The following SEMA5B variants were observed in gnomAD, a reference collection of about 807,000 sequenced individuals.
The protein encoded by SEMA5B is semaphorin-5B.
In SEMA5B, 66 loss-of-function variants were observed where a neutral mutation model predicts 135.0. The observed-to-expected ratio is 0.49, with a 90% CI of 0.40 to 0.60. The LOEUF (loss-of-function observed/expected upper bound fraction) is 0.60, where lower values mean the gene tolerates loss of function less well. SEMA5B is among the 20% of genes least tolerant of loss of function. SEMA5B has a pLI of 0.00. For missense variants in SEMA5B, 1,501 were observed against 1,566.3 expected, an observed-to-expected ratio of 0.96 and a Z score of 0.70; for synonymous variants, 690 against 639.5, an observed-to-expected ratio of 1.08 and a Z score of -1.19.
chr3:123,021,621 C>A (rs995118918), intron 1 of SEMA5B, among the ~76,000 whole-genome samples: 8 of 152,134 alleles, frequency 5.3e-5, no homozygotes, highest in Non-Finnish European at 2.9e-5. Context: ...CTCAGGTAGA[C>A]CAGTGGGACT....
intron 3 of SEMA5B, among the ~76,000 whole-genome samples, chr3:122,943,761 C>G (rs1939667987): frequency 6.6e-6 from 1 of 152,160 alleles, no homozygotes; most frequent in Non-Finnish European, 1.5e-5. Flanking sequence ...GCACTACCCT[C>G]CCCACAGAGG....
chr3:122,918,396 A>C lies in SEMA5B; in HGVS notation c.1689-2506T>G, dbSNP rs142709584. ...AACAAAACAAAAAGCCCACCAACCT[A>C]TACTTTGGCTTTTTGGACTGGAATA... On this transcript the variant is annotated intron_variant, in intron 12 of 22. Coordinates refer to ENST00000357599, the MANE Select transcript of SEMA5B (RefSeq NM_001031702.4). Among the ~76,000 whole-genome samples the C allele has an allele frequency of 3.3e-5, 5 of 152,276 alleles. No individual in the cohort carries two copies. The South Asian group carries it at 8.3e-4, about 25-fold the overall frequency.
At chr3:122,983,674 C>G (rs1358169988) in intron 1 of SEMA5B, among the ~76,000 whole-genome samples, 1 of 124,466 alleles carries the variant, frequency 8.0e-6, no homozygotes, top group Middle Eastern at 6.1e-3. Flanking sequence ...ACCAAGATCA[C>G]GCCACTGCAC....
intron 2 of SEMA5B, among the ~76,000 whole-genome samples, chr3:122,959,989 A>G (rs1429553947): frequency 6.6e-6 from 1 of 152,216 alleles, no homozygotes; most frequent in Non-Finnish European, 1.5e-5. Context: ...AAGCTTATCT[A>G]TTCATTAGAG....
At chr3:122,991,962 C>T (rs1941893484) in intron 1 of SEMA5B, among the ~76,000 whole-genome samples, 1 of 152,090 alleles carries the variant, frequency 6.6e-6, no homozygotes, top group East Asian at 1.9e-4. Context: ...TGGCTGAGAA[C>T]CCGTTACGGA....
intron 1 of SEMA5B, among the ~76,000 whole-genome samples, chr3:123,007,974 G>A (rs1237242720): frequency 1.3e-5 from 2 of 152,230 alleles, no homozygotes; most frequent in African/African-American, 4.8e-5. Context: ...ATAAGCCACT[G>A]TCAAAGTATA....
At chr3:122,947,315 C>A (rs73856762) in intron 3 of SEMA5B, among the ~76,000 whole-genome samples, 2,067 of 152,216 alleles carry the variant, frequency 0.014, 48 homozygotes, top group African/African-American at 0.046. Flanking sequence ...AACAAGACAG[C>A]GCCGAGAAGA....
At chr3:123,006,889 C>T (rs1200225384) in intron 1 of SEMA5B, among the ~76,000 whole-genome samples, 1 of 152,152 alleles carries the variant, frequency 6.6e-6, no homozygotes, top group Non-Finnish European at 1.5e-5. Flanking sequence ...CTGCTTTGCA[C>T]CACAAACAAG....
chr3:122,973,498 AG>A (rs376870694), intron 1 of SEMA5B, among the ~76,000 whole-genome samples: 282 of 152,246 alleles, frequency 1.9e-3, no homozygotes, highest in African/African-American at 6.6e-3. Context: ...ATGAGTGAGG[AG>A]GGGTGGAACG....
intron 1 of SEMA5B, 150 bp downstream of exon 1, chr3:123,027,314 T>A (rs1331238106): frequency 1.3e-5 from 2 of 152,170 alleles, no homozygotes; most frequent in Non-Finnish European, 2.9e-5. Flanking sequence ...GGACCCCCTG[T>A]CCTCCCGCCC....
At chr3:122,994,681 C>T (rs2107732707) in intron 1 of SEMA5B, among the ~76,000 whole-genome samples, 1 of 152,278 alleles carries the variant, frequency 6.6e-6, no homozygotes, top group South Asian at 2.1e-4. Context: ...TGGTTGACTG[C>T]CTTGGCTCAG....
intron 4 of SEMA5B, among the ~76,000 whole-genome samples, chr3:122,941,522 G>C (rs1051687754): frequency 1.3e-5 from 2 of 152,216 alleles, no homozygotes; most frequent in African/African-American, 4.8e-5. Context: ...AAGATTCAAT[G>C]ATTTACTGCA....
At chr3:122,988,871 G>A (rs575597809) in intron 1 of SEMA5B, among the ~76,000 whole-genome samples, 2 of 152,364 alleles carry the variant, frequency 1.3e-5, no homozygotes, top group African/African-American at 4.8e-5. Flanking sequence ...CTCTAATCTG[G>A]TAAGCATTCG....
intron 1 of SEMA5B, among the ~76,000 whole-genome samples, chr3:122,979,813 G>T (rs1449311434): frequency 6.6e-6 from 1 of 152,202 alleles, no homozygotes; most frequent in Non-Finnish European, 1.5e-5. Context: ...CAGCATACAG[G>T]CTCAAAACCT....
rs753165041 is a variant in SEMA5B at position 122,923,657 on chromosome 3, G to A, written c.1232C>T (p.Ala411Val). Residue 411 changes from alanine (A) to valine (V), a missense_variant, in exon 10 of 23, where the codon GCT becomes GTT. Physicochemically the swap from Ala to Val is moderately conservative, Grantham distance 64. This residue lies in a region of SEMA5B where 574 missense variants were observed against 684.7 expected (regional missense o/e 0.84). Transcript: ENST00000357599. Reference protein sequence around the residue: ...GPFRYQENPRAAWLPIANPIP... With the variant: ...GPFRYQENPRVAWLPIANPIP... ...GGGGTTGGCTATGGGGAGCCAGGCAGCCCTGGGGTTCTCCTGGTAGCGAAA... is the reference window on the plus strand; with the variant it reads ...GGGGTTGGCTATGGGGAGCCAGGCAACCCTGGGGTTCTCCTGGTAGCGAAA... 1.4e-5 allele frequency: 23 copies of A among 1,613,928 alleles called. No homozygotes were observed. Among genetic ancestry groups the A allele is most frequent in the Non-Finnish European group, 4.2e-6 (5 of 1,179,918 alleles).
At chr3:122,941,010 C>T (rs1218249333) in intron 4 of SEMA5B, among the ~76,000 whole-genome samples, 1 of 152,228 alleles carries the variant, frequency 6.6e-6, no homozygotes, top group African/African-American at 2.4e-5. Context: ...GCAGTCAACT[C>T]TCCTGGGAGC....
intron 1 of SEMA5B, among the ~76,000 whole-genome samples, chr3:122,972,941 A>G (rs532480261): frequency 1.4e-4 from 21 of 152,290 alleles, no homozygotes; most frequent in African/African-American, 4.8e-4. Flanking sequence ...TTATTCCCCA[A>G]GTCAAGCCGT....
chr3:122,997,527 C>A (rs137940720), intron 1 of SEMA5B, among the ~76,000 whole-genome samples: 6 of 151,918 alleles, frequency 3.9e-5, no homozygotes, highest in African/African-American at 1.2e-4. Flanking sequence ...CTCCCCCCCC[C>A]GTCTCCACCA....
intron 5 of SEMA5B, 103 bp from the exon 6 acceptor site, chr3:122,929,161 G>A (rs1240156639): frequency 1.7e-6 from 2 of 1,144,324 alleles, no homozygotes; most frequent in African/African-American, 3.0e-5. Context: ...TGGACATGAA[G>A]CTGTGAAGGA....
Sources: allele counts gnomAD v4.1 joint callset (sites outside exome capture counted in the v4.1 genomes callset), GRCh38; gene constraint gnomAD v4.1.1; regional missense constraint gnomAD v4.1.1; transcripts MANE v1.5; gene names NCBI Gene and HGNC (gene_info 2026-07-23, HGNC 2026-07-21).